The following TMEM70 variants were observed in gnomAD, a reference collection of about 807,000 sequenced individuals.
TMEM70 encodes the protein transmembrane protein 70.
Under a neutral mutation model 20.5 loss-of-function variants are expected in TMEM70, and 15 were observed. The observed-to-expected ratio is 0.73, with a 90% CI of 0.49 to 1.13. TMEM70 has a LOEUF of 1.13. Among genes scored for constraint, TMEM70 ranks in the 50% most tolerant of loss-of-function variants. The probability of loss-of-function intolerance (pLI) is 0.00; values close to 1 mark genes in which losing one functional copy is unlikely to be tolerated. For synonymous variants in TMEM70, 141 were observed against 134.2 expected, an observed-to-expected ratio of 1.05 and a Z score of -0.35; for missense variants, 344 against 331.7, an observed-to-expected ratio of 1.04 and a Z score of -0.29.
intron 2 of TMEM70, among the ~76,000 whole-genome samples, chr8:73,980,424 A>G (rs1053284371): frequency 6.6e-6 from 1 of 150,884 alleles, no homozygotes; most frequent in African/African-American, 2.4e-5. Flanking sequence ...GCTGGAGTGC[A>G]GTGTGCAGTC....
chr8:73,976,593 C>T (rs1815655069), intron 1 of TMEM70, 102 bp downstream of exon 1: 6 of 1,214,954 alleles, frequency 4.9e-6, no homozygotes, highest in Admixed American at 3.0e-5. Context: ...TCCCAGGTGT[C>T]CGTGGCTGGA....
At position 73,976,234 on chromosome 8, in the gene TMEM70, C is replaced by G. The variant is rs749358683; in HGVS notation, c.-48C>G. The G allele has an allele frequency of 2.4e-5, 37 of 1,535,630 alleles. No individual in the cohort carries two copies. In the South Asian group the frequency reaches 3.7e-4, roughly 15 times the overall value. On this transcript the variant is annotated 5_prime_UTR_variant, in exon 1 of 3. Transcript: ENST00000312184. The stretch of plus-strand genomic sequence containing the variant: ...CGGGTGGGAAGCCGTGTCTCGCAGT[C>G]GTGGACTCGTGCAGCTGGGGCGTCC...
intron 1 of TMEM70, among the ~76,000 whole-genome samples, chr8:73,978,100 T>G (rs1424073074): frequency 2.0e-5 from 3 of 152,088 alleles, no homozygotes; most frequent in Non-Finnish European, 4.4e-5. Flanking sequence ...TTATTTTATT[T>G]TTTTGAGACG....
chr8:73,982,391 C>G lies in TMEM70; in HGVS notation c.*770C>G. Reference sequence around the variant, plus strand: ...AATCCACAAGCGACTCATTGACTTGCGCAGTCCTCAGATAGTTAAGCAGAT... The same window carrying G: ...AATCCACAAGCGACTCATTGACTTGGGCAGTCCTCAGATAGTTAAGCAGAT... On this transcript the variant is annotated 3_prime_UTR_variant, in exon 3 of 3. Transcript: ENST00000312184. The G allele has an allele frequency of 1.3e-6, 1 of 757,934 alleles. No individual in the cohort carries two copies. The highest frequency in any genetic ancestry group is 2.3e-6 in the Non-Finnish European group (1 of 433,804). The allele number at this position is 757,934 out of a possible 1,614,324, so 47.0% of individuals were successfully genotyped here.
At chr8:73,976,945 T>C (rs1815666742) in intron 1 of TMEM70, among the ~76,000 whole-genome samples, 3 of 152,242 alleles carry the variant, frequency 2.0e-5, no homozygotes, top group Admixed American at 6.5e-5. Flanking sequence ...TTAATTCTTT[T>C]ATTTTGATCT....
chr8:73,979,659 T>G (rs761481707), intron 2 of TMEM70, among the ~76,000 whole-genome samples: 1 of 152,234 alleles, frequency 6.6e-6, no homozygotes, highest in Non-Finnish European at 1.5e-5. Flanking sequence ...TAGGCTGGAG[T>G]GCAGTGGTGT....
chr8:73,976,335 A>G lies in TMEM70; in HGVS notation c.54A>G (p.Gly18=). 6.2e-7 allele frequency: 1 copy of G among 1,600,644 alleles called. No individual in the cohort carries two copies. Among genetic ancestry groups the G allele is most frequent in the Non-Finnish European group, 8.5e-7 (1 of 1,179,590 alleles). The change falls in exon 1 of 3, where the codon GGA becomes GGG. Residue 18 remains glycine (G), a synonymous_variant. Transcript: ENST00000312184. ...GGGCGGTCGAACTGCCTCTCTGCGG[A>G]AGGAGGACTGCATTGTGTGCGGCCG... ...SPWAVELPLC[G]RRTALCAAAA...
rs1815790601 is a variant in TMEM70, at chr8:73,981,308, T to G, written c.470T>G (p.Val157Gly). ...GGAAGCTTTACGGTGATCACCCCAGTGCTGCTTCACTTTATTACAAAAGGC... is the reference window on the plus strand; with the variant it reads ...GGAAGCTTTACGGTGATCACCCCAGGGCTGCTTCACTTTATTACAAAAGGC... ...IMGSFTVITP[V>G]LLHFITKGYV... Residue 157 changes from valine (V) to glycine (G), a missense_variant, in exon 3 of 3, where the codon GTG becomes GGG. Coordinates refer to ENST00000312184, the MANE Select transcript of TMEM70 (RefSeq NM_017866.6). 6.2e-7 allele frequency: 1 copy of G among 1,614,206 alleles called. No individual in the cohort carries two copies. The highest frequency in any genetic ancestry group is 1.6e-4 in the Middle Eastern group (1 of 6,062).
intron 1 of TMEM70, among the ~76,000 whole-genome samples, chr8:73,978,173 G>A (rs749084310): frequency 6.6e-6 from 1 of 151,346 alleles, no homozygotes; most frequent in Non-Finnish European, 1.5e-5. Flanking sequence ...TGCAATCTCC[G>A]CCTCCCAGGT....
In TMEM70 at chr8:73,978,750, C is replaced by G; in HGVS notation, c.211-6C>G. The G allele has an allele frequency of 6.2e-7, 1 of 1,613,270 alleles. No individual in the cohort carries two copies. Among genetic ancestry groups the G allele is most frequent in the Non-Finnish European group, 8.5e-7 (1 of 1,179,586 alleles). On this transcript the variant is annotated splice_polypyrimidine_tract_variant and splice_region_variant and intron_variant, in intron 1 of 2. Transcript: ENST00000312184. The stretch of plus-strand genomic sequence containing the variant: ...TAGTTGACCATAATGATCCCTGTTT[C>G]AATAGATCCCTGTTTATTGGGAAGG...
At chr8:73,977,025 A>C (rs1815668328) in intron 1 of TMEM70, among the ~76,000 whole-genome samples, 1 of 152,212 alleles carries the variant, frequency 6.6e-6, no homozygotes, top group Non-Finnish European at 1.5e-5. Flanking sequence ...ACTTGGAAGA[A>C]ATGCTTAAAA....
rs5892437 is a variant in TMEM70, at chr8:73,977,349, A to AT, written c.210+868dup. Among the ~76,000 whole-genome samples the AT allele has an allele frequency of 9.3e-4, 140 of 150,110 alleles. No individual in the cohort carries two copies. In the East Asian group the frequency reaches 0.019, roughly 21 times the overall value. On this transcript the variant is annotated intron_variant, in intron 1 of 2. Coordinates refer to ENST00000312184, the MANE Select transcript of TMEM70 (RefSeq NM_017866.6). ...GGCGCGCTCCACCACACCCCGGCTG[A>AT]TTTTTTTTTTGTATTTTTAGTAGAG...
At chr8:73,979,706 G>A (rs1210207304) in intron 2 of TMEM70, among the ~76,000 whole-genome samples, 1 of 151,400 alleles carries the variant, frequency 6.6e-6, no homozygotes, top group East Asian at 2.0e-4. Context: ...TTGTGGGCTC[G>A]AGTGATCCTC....
In TMEM70 at chr8:73,981,316, C is replaced by T. The variant is rs759190624; in HGVS notation, c.478C>T (p.His160Tyr). The T allele has an allele frequency of 3.7e-6, 6 of 1,614,184 alleles. No homozygotes were observed. Among genetic ancestry groups the T allele is most frequent in the Non-Finnish European group, 5.1e-6 (6 of 1,180,034 alleles). Reference protein sequence around the residue: ...SFTVITPVLLHFITKGYVIRL... With the variant: ...SFTVITPVLLYFITKGYVIRL... ...TACGGTGATCACCCCAGTGCTGCTT[C>T]ACTTTATTACAAAAGGCTATGTCAT... Residue 160 changes from histidine (H) to tyrosine (Y), a missense_variant, in exon 3 of 3, where the codon CAC (histidine) becomes TAC (tyrosine). His to Tyr is a moderately conservative substitution (Grantham distance 83). Transcript: ENST00000312184.
At position 73,982,742 on chromosome 8, in the gene TMEM70, A is replaced by G. The variant is rs1191629370; in HGVS notation, c.*1121A>G. 8.8e-6 allele frequency: 4 copies of G among 454,742 alleles called. No homozygotes were observed. Among genetic ancestry groups the G allele is most frequent in the East Asian group, 6.9e-5 (1 of 14,466 alleles). 28.2% of individuals were successfully genotyped at this position (454,742 alleles called of 1,614,324 possible). A position where few individuals can be genotyped will look rare whatever the true frequency, so the allele number is the denominator to read the frequency against. ...TGCACTCCTCCCTTGGTGGCACCCTATGGGTGTAGGAAAACCACTGTTATT... is the reference window on the plus strand; with the variant it reads ...TGCACTCCTCCCTTGGTGGCACCCTGTGGGTGTAGGAAAACCACTGTTATT... On this transcript the variant is annotated 3_prime_UTR_variant, in exon 3 of 3. Transcript: ENST00000312184.
In TMEM70 at chr8:73,981,294, G is replaced by A. The variant is rs534498599; in HGVS notation, c.456G>A (p.Thr152=). The change falls in exon 3 of 3, where the codon ACG becomes ACA. Residue 152 remains threonine, a synonymous_variant. Coordinates refer to ENST00000312184, the MANE Select transcript of TMEM70 (RefSeq NM_017866.6). ...TCTATGGCATCATGGGAAGCTTTACGGTGATCACCCCAGTGCTGCTTCACT... is the reference window on the plus strand; with the variant it reads ...TCTATGGCATCATGGGAAGCTTTACAGTGATCACCCCAGTGCTGCTTCACT... The part of the protein sequence containing the change: ...IIFYGIMGSF[T]VITPVLLHFI... 1.5e-5 allele frequency: 24 copies of A among 1,614,040 alleles called. No homozygotes were observed. The highest frequency in any genetic ancestry group is 1.1e-4 in the East Asian group (5 of 44,868).
At position 73,976,257 on chromosome 8, in the gene TMEM70, T is replaced by G. The variant is rs1481420468; in HGVS notation, c.-25T>G. 6.3e-7 allele frequency: 1 copy of G among 1,592,760 alleles called. No homozygotes were observed. Among genetic ancestry groups the G allele is most frequent in the Non-Finnish European group, 8.5e-7 (1 of 1,176,254 alleles). ...GTCGTGGACTCGTGCAGCTGGGGCG[T>G]CCGCAGCCGCTCGTCACCCGCGTGA... is the stretch of plus-strand genomic sequence containing the variant. On this transcript the variant is annotated 5_prime_UTR_variant, in exon 1 of 3. Transcript: ENST00000312184.
In TMEM70 at chr8:73,981,534, T is replaced by C. The variant is rs1815800133; in HGVS notation, c.696T>C (p.Tyr232=). 6.2e-7 allele frequency: 1 copy of C among 1,613,886 alleles called. No individual in the cohort carries two copies. Among genetic ancestry groups the C allele is most frequent in the South Asian group, 1.1e-5 (1 of 91,082 alleles). ...NPVLFPNRED[Y]IHLMGYDKEE... is the part of the protein sequence containing the mutation. ...TGCTCTTTCCAAACCGTGAAGACTA[T>C]ATCCATCTAATGGGTTATGACAAAG... Residue 232 remains tyrosine (Y), a synonymous_variant, in exon 3 of 3, where the codon TAT becomes TAC. Transcript: ENST00000312184.
chr8:73,981,608 A>C lies in TMEM70; in HGVS notation c.770A>C (p.Lys257Thr), dbSNP rs372716606. The C allele has an allele frequency of 3.3e-5, 53 of 1,605,364 alleles. 1 individual carries two copies. In the Middle Eastern group the frequency reaches 2.8e-3, roughly 85 times the overall value. Reference protein sequence around the residue: ...MEETSEEKRHKDDK With the variant: ...MEETSEEKRHTDDK ...GAAACCAGTGAAGAGAAACGGCATA[A>C]AGATGACAAATGAGCCTATTTGTTA... is the stretch of plus-strand genomic sequence containing the variant. Residue 257 changes from lysine to threonine, a missense_variant, in exon 3 of 3, where the codon AAA becomes ACA. Coordinates refer to ENST00000312184, the MANE Select transcript of TMEM70 (RefSeq NM_017866.6).
Sources: allele counts gnomAD v4.1 joint callset (sites outside exome capture counted in the v4.1 genomes callset), GRCh38; gene constraint gnomAD v4.1.1; transcripts MANE v1.5; gene names NCBI Gene and HGNC (gene_info 2026-07-23, HGNC 2026-07-21).